The following AGAP1 variants were observed in gnomAD, a reference collection of about 807,000 sequenced individuals.
The protein encoded by AGAP1 is arf-GAP with GTPase, ANK repeat and PH domain-containing protein 1.
Under a neutral mutation model 105.3 loss-of-function variants are expected in AGAP1, and 29 were observed. The observed-to-expected ratio is 0.28, with a 90% CI of 0.21 to 0.38. The LOEUF is 0.38. Ranked by LOEUF, AGAP1 falls within the 10% of genes least tolerant of loss-of-function variation. The pLI, the probability that AGAP1 is intolerant of heterozygous loss-of-function variation, is 1.00. For missense variants in AGAP1, 998 were observed against 1,165.1 expected (o/e 0.86, Z 2.09); for synonymous variants, 509 against 485.9 (o/e 1.05, Z -0.63).
intron 9 of AGAP1, among the ~76,000 whole-genome samples, chr2:235,829,006 G>C (rs917408596): frequency 6.6e-6 from 1 of 152,232 alleles, no homozygotes; most frequent in Non-Finnish European, 1.5e-5. Context: ...GACTGGTACA[G>C]AGTTCAGTCT....
intron 16 of AGAP1, among the ~76,000 whole-genome samples, chr2:236,063,338 G>T (rs1238527849): frequency 6.6e-6 from 1 of 152,038 alleles, no homozygotes; most frequent in Non-Finnish European, 1.5e-5. Context: ...TGATCCACTG[G>T]CCTCGACCTC....
chr2:235,683,963 C>T (rs557271642), intron 1 of AGAP1, among the ~76,000 whole-genome samples: 17 of 151,050 alleles, frequency 1.1e-4, no homozygotes, highest in Non-Finnish European at 1.3e-4. Context: ...GGTTTTCTGT[C>T]CTTGTGATAG....
chr2:235,709,775 T>C (rs909461577), intron 2 of AGAP1, among the ~76,000 whole-genome samples: 2 of 152,196 alleles, frequency 1.3e-5, no homozygotes, highest in Admixed American at 1.3e-4. Context: ...TGAAATTATG[T>C]AGAGCTTCAA....
chr2:235,656,830 TTATATA>T (rs1465783550), intron 1 of AGAP1, among the ~76,000 whole-genome samples: 1 of 152,206 alleles, frequency 6.6e-6, no homozygotes, highest in African/African-American at 2.4e-5. Flanking sequence ...CACTGAAACT[TTATATA>T]TAACATAATG....
At chr2:235,834,146 C>T (rs773348181) in intron 9 of AGAP1, among the ~76,000 whole-genome samples, 14 of 152,210 alleles carry the variant, frequency 9.2e-5, no homozygotes, top group Admixed American at 7.8e-4. Context: ...TAGTTCTCAG[C>T]GTGATCACCG....
At chr2:235,676,515 TAGG>T (rs1471866056) in intron 1 of AGAP1, among the ~76,000 whole-genome samples, 14 of 152,200 alleles carry the variant, frequency 9.2e-5, no homozygotes, top group Non-Finnish European at 1.9e-4. Flanking sequence ...GTAGGATCTG[TAGG>T]AGTTTACCAG....
rs541935313 is a variant in AGAP1 at position 235,517,019 on chromosome 2, G to A, written c.163+22170G>A. On this transcript the variant is annotated intron_variant, in intron 1 of 17. Coordinates refer to ENST00000304032, the MANE Select transcript of AGAP1 (RefSeq NM_001037131.3). This position sits in a 1 kb window ranked among gnomAD's most constrained non-coding sequence, Gnocchi z 4.1. ...GGCTCTGGAGGGGCTTGGCGCCTACGTTAGTCAGCTCGGGCTGCCACGACA... is the reference window on the plus strand; with the variant it reads ...GGCTCTGGAGGGGCTTGGCGCCTACATTAGTCAGCTCGGGCTGCCACGACA... Among the ~76,000 whole-genome samples the A allele has an allele frequency of 3.9e-5, 6 of 152,306 alleles. No homozygotes were observed. Among genetic ancestry groups the A allele is most frequent in the East Asian group, 3.9e-4 (2 of 5,158 alleles).
At position 235,931,386 on chromosome 2, in the gene AGAP1, A is replaced by G. The variant is rs1008899324; in HGVS notation, c.1483+463A>G. ...TTCCAGAATTCCTGGTGTACCCTCTAAATTCTGGAGTCCCCTTTGTAATCC... is the reference window on the plus strand; with the variant it reads ...TTCCAGAATTCCTGGTGTACCCTCTGAATTCTGGAGTCCCCTTTGTAATCC... On this transcript the variant is annotated intron_variant, in intron 12 of 17. Transcript: ENST00000304032. This position sits in a 1 kb window ranked among gnomAD's most constrained non-coding sequence, Gnocchi z 5.6. Among the ~76,000 whole-genome samples the G allele has an allele frequency of 4.6e-5, 7 of 152,150 alleles. No homozygotes were observed. Among genetic ancestry groups the G allele is most frequent in the Non-Finnish European group, 1.0e-4 (7 of 68,034 alleles).
intron 3 of AGAP1, among the ~76,000 whole-genome samples, chr2:235,738,554 T>C (rs953099417): frequency 6.6e-6 from 1 of 151,190 alleles, no homozygotes; most frequent in Admixed American, 6.6e-5. Flanking sequence ...TTTCTTTCTT[T>C]CTTTCTTTCT....
At chr2:236,008,571 C>G (rs946816337) in intron 13 of AGAP1, among the ~76,000 whole-genome samples, 2 of 152,110 alleles carry the variant, frequency 1.3e-5, no homozygotes, top group African/African-American at 2.4e-5. Flanking sequence ...GCACCTGTAC[C>G]CTTGATCTCC....
chr2:235,783,519 C>A, intron 6 of AGAP1: 1 of 360,024 alleles, frequency 2.8e-6, no homozygotes, highest in Non-Finnish European at 5.6e-6. Flanking sequence ...CTTGTGACGT[C>A]CCTGTCATCA....
intron 9 of AGAP1, among the ~76,000 whole-genome samples, chr2:235,837,679 T>G (rs768618461): frequency 9.2e-5 from 14 of 152,192 alleles, no homozygotes; most frequent in Non-Finnish European, 1.8e-4. Context: ...AATAAGTTAC[T>G]ATTGTCATGA....
Position 235,600,414 on chromosome 2 carries a change from AC to A in AGAP1, c.163+105570del, listed in dbSNP as rs1198023452. 6.6e-6 allele frequency among the ~76,000 whole-genome samples: 1 copy of A among 151,070 alleles called. No individual in the cohort carries two copies. The highest frequency in any genetic ancestry group is 1.9e-4 in the East Asian group (1 of 5,140). On this transcript the variant is annotated intron_variant, in intron 1 of 17. Transcript: ENST00000304032. The surrounding 1 kb of genome is among the most constrained non-coding windows in gnomAD (Gnocchi z 4.8). ...CTCTTACCCACCCTCTGCCCTATAG[AC>A]CCCCATACTCCTGTAGATACCCCCT...
rs1264773186 is a variant in AGAP1, at chr2:236,062,191, T to A, written c.2114+12910T>A. Among the ~76,000 whole-genome samples, 1 of 152,038 alleles carries A rather than the reference T, an allele frequency of 6.6e-6. No individual in the cohort carries two copies. Among genetic ancestry groups the A allele is most frequent in the Non-Finnish European group, 1.5e-5 (1 of 68,014 alleles). ...GATCATCACCACCAGATACTGGGAG[T>A]CCCTGGGAGAGATCAGGCACTTGAC... On this transcript the variant is annotated intron_variant, in intron 16 of 17. Transcript: ENST00000304032. The surrounding 1 kb of genome is among the most constrained non-coding windows in gnomAD (Gnocchi z 4.2).
At chr2:235,860,374 CAAG>C (rs911829454) in intron 9 of AGAP1, among the ~76,000 whole-genome samples, 3 of 150,854 alleles carry the variant, frequency 2.0e-5, no homozygotes, top group Non-Finnish European at 3.0e-5. Flanking sequence ...TTTTTTGCCT[CAAG>C]GAGATGGCTT....
intron 16 of AGAP1, chr2:236,072,615 A>T (rs1466798688): frequency 6.6e-6 from 1 of 152,118 alleles, no homozygotes; most frequent in Non-Finnish European, 1.5e-5. Context: ...AATTTAATTT[A>T]ATTTATTTAT....
Position 235,586,707 on chromosome 2 carries a change from A to G in AGAP1, c.163+91858A>G, listed in dbSNP as rs144399974. 6.6e-5 allele frequency among the ~76,000 whole-genome samples: 10 copies of G among 152,300 alleles called. No individual in the cohort carries two copies. In the East Asian group the frequency reaches 1.4e-3, roughly 21 times the overall value. On this transcript the variant is annotated intron_variant, in intron 1 of 17. Coordinates refer to ENST00000304032, the MANE Select transcript of AGAP1 (RefSeq NM_001037131.3). This position sits in a 1 kb window ranked among gnomAD's most constrained non-coding sequence, Gnocchi z 4.2. ...GACTGCCCCGTACAGTACGGCTTCT[A>G]TGTGTGAACAACACAGACCACTAAG...
At chr2:235,583,474 T>G (rs1179195412) in intron 1 of AGAP1, among the ~76,000 whole-genome samples, 2 of 151,628 alleles carry the variant, frequency 1.3e-5, no homozygotes, top group Non-Finnish European at 2.9e-5. Context: ...GTTGGCCTGA[T>G]AGGAAGAGAG....
intron 1 of AGAP1, among the ~76,000 whole-genome samples, chr2:235,515,622 A>G (rs529618294): frequency 6.6e-6 from 1 of 152,298 alleles, no homozygotes; most frequent in South Asian, 2.1e-4. Flanking sequence ...AATTTTGCGG[A>G]AAAAAGTCTG....
Sources: allele counts gnomAD v4.1 joint callset (sites outside exome capture counted in the v4.1 genomes callset), GRCh38; gene constraint gnomAD v4.1.1; non-coding constraint Gnocchi (gnomAD v3.1); transcripts MANE v1.5; gene names NCBI Gene and HGNC (gene_info 2026-07-23, HGNC 2026-07-21).